Variants in PRTFDC1 observed in about 807,000 individuals in gnomAD.
PRTFDC1 encodes phosphoribosyltransferase domain-containing protein 1.
Under a neutral mutation model 34.6 loss-of-function variants are expected in PRTFDC1, and 38 were observed. That is an observed-to-expected ratio of 1.10 (90% CI 0.85 to 1.44). The LOEUF is 1.44. Ranked by LOEUF, PRTFDC1 falls within the 40% of genes most tolerant of loss-of-function variation. PRTFDC1 has a pLI of 0.00. For synonymous variants in PRTFDC1, 93 were observed against 98.1 expected (o/e 0.95, Z 0.31); for missense variants, 270 against 283.0 (o/e 0.95, Z 0.33).
At position 24,937,928 on chromosome 10, in the gene PRTFDC1, A is replaced by C. The variant is rs150710671; in HGVS notation, c.156-561T>G. On this transcript the variant is annotated intron_variant, in intron 2 of 8. Coordinates refer to ENST00000320152, the MANE Select transcript of PRTFDC1 (RefSeq NM_020200.7). ...CATCAGAATATCTGGCATGCTCCTT[A>C]AAAAGGAACATTTGGGCCAAGAGTG... Among the ~76,000 whole-genome samples, 581 of 152,220 alleles carry C rather than the reference A, an allele frequency of 3.8e-3. 4 individuals are homozygous for C. Among genetic ancestry groups the C allele is most frequent in the African/African-American group, 0.013 (525 of 41,560 alleles).
chr10:24,886,755 G>T (rs1268948927), intron 3 of PRTFDC1, among the ~76,000 whole-genome samples: 1 of 152,060 alleles, frequency 6.6e-6, no homozygotes, highest in African/African-American at 2.4e-5. Flanking sequence ...GGGATTGCAG[G>T]TGCGTGCCAC....
In PRTFDC1 at chr10:24,872,078, A is replaced by G. The variant is rs771657745; in HGVS notation, c.340-15T>C. ...GACTGGTCATTCTGCAAAAAAGAAG[A>G]AAAAAAAGGGAGACAATTTTACCGC... is the stretch of plus-strand genomic sequence containing the variant. On this transcript the variant is annotated splice_polypyrimidine_tract_variant and intron_variant, in intron 3 of 8. Transcript: ENST00000320152. 5.1e-6 allele frequency: 8 copies of G among 1,583,362 alleles called. No individual in the cohort carries two copies. The South Asian group carries it at 8.9e-5, about 18-fold the overall frequency.
intron 3 of PRTFDC1, among the ~76,000 whole-genome samples, chr10:24,914,984 G>C (rs1321992250): frequency 1.3e-5 from 2 of 151,938 alleles, no homozygotes; most frequent in Non-Finnish European, 2.9e-5. Flanking sequence ...CTACCTACTG[G>C]GTACTATGCT....
At chr10:24,934,373 C>A (rs1031856611) in intron 3 of PRTFDC1, among the ~76,000 whole-genome samples, 1 of 152,186 alleles carries the variant, frequency 6.6e-6, no homozygotes, top group African/African-American at 2.4e-5. Flanking sequence ...CAGCCAAGGG[C>A]ATTCCAAAGT....
chr10:24,915,137 A>C (rs1848677207), intron 3 of PRTFDC1, among the ~76,000 whole-genome samples: 1 of 152,148 alleles, frequency 6.6e-6, no homozygotes, highest in Admixed American at 6.6e-5. Flanking sequence ...GGCTAGCCTT[A>C]TTTTATAGAA....
intron 3 of PRTFDC1, among the ~76,000 whole-genome samples, chr10:24,901,009 A>G (rs1848441169): frequency 6.6e-6 from 1 of 152,234 alleles, no homozygotes; most frequent in East Asian, 1.9e-4. Flanking sequence ...GTCAAAGTAC[A>G]AAGCAAGTAC....
At chr10:24,910,749 T>A (rs545150406) in intron 3 of PRTFDC1, among the ~76,000 whole-genome samples, 1 of 152,226 alleles carries the variant, frequency 6.6e-6, no homozygotes, top group East Asian at 1.9e-4. Context: ...CAATTAAAAC[T>A]CAATACAATT....
chr10:24,948,318 C>A, intron 1 of PRTFDC1, among the ~76,000 whole-genome samples: 1 of 152,020 alleles, frequency 6.6e-6, no homozygotes. Context: ...GTCTAATAAC[C>A]CGATCCCCAA....
In PRTFDC1 at chr10:24,926,069, A is replaced by G. The variant is rs536455778; in HGVS notation, c.339+11115T>C. 1.4e-4 allele frequency among the ~76,000 whole-genome samples: 21 copies of G among 152,174 alleles called. No homozygotes were observed. In the South Asian group the frequency reaches 4.1e-3, roughly 30 times the overall value. On this transcript the variant is annotated intron_variant, in intron 3 of 8. Coordinates refer to ENST00000320152, the MANE Select transcript of PRTFDC1 (RefSeq NM_020200.7). ...TTCTTCTCCTGCCAGTCCACCTCCT[A>G]GGGACTGGAGTCCTTTTCCTCTTCC...
chr10:24,943,092 A>G (rs570116556), intron 1 of PRTFDC1, among the ~76,000 whole-genome samples: 94 of 149,784 alleles, frequency 6.3e-4, no homozygotes, highest in African/African-American at 2.1e-3. Flanking sequence ...ATCATAATAA[A>G]CAACATATTT....
chr10:24,882,818 T>TA (rs199763913), intron 3 of PRTFDC1, among the ~76,000 whole-genome samples: 1,774 of 151,318 alleles, frequency 0.012, 17 homozygotes, highest in Non-Finnish European at 0.014. Flanking sequence ...CTCAAAATGT[T>TA]AAAAAAACAA....
At chr10:24,887,532 C>T (rs970706523) in intron 3 of PRTFDC1, among the ~76,000 whole-genome samples, 3 of 152,018 alleles carry the variant, frequency 2.0e-5, no homozygotes, top group African/African-American at 7.2e-5. Flanking sequence ...GTTCGCTTCC[C>T]CTTCTGCCAT....
At chr10:24,903,362 T>C (rs1010152814) in intron 3 of PRTFDC1, among the ~76,000 whole-genome samples, 3 of 152,234 alleles carry the variant, frequency 2.0e-5, no homozygotes, top group African/African-American at 7.2e-5. Flanking sequence ...TTCTATTTGT[T>C]AACTGGTAAT....
chr10:24,948,046 G>A (rs934805186), intron 1 of PRTFDC1, among the ~76,000 whole-genome samples: 3 of 152,168 alleles, frequency 2.0e-5, no homozygotes, highest in Non-Finnish European at 2.9e-5. Flanking sequence ...TTGCCCCACA[G>A]AAGGAAAACT....
At chr10:24,887,310 C>G (rs115762652) in intron 3 of PRTFDC1, among the ~76,000 whole-genome samples, 1,678 of 152,262 alleles carry the variant, frequency 0.011, 32 homozygotes, top group African/African-American at 0.038. Flanking sequence ...TGTCCCCACT[C>G]AAATCTCATC....
rs1050526713 is a variant in PRTFDC1, at chr10:24,858,426, C to T, written c.406-17G>A. ...GAGAACATTCTGAAATAAACAAAAC[C>T]CATATTTTAGAATGTGATGCCAATC... On this transcript the variant is annotated splice_polypyrimidine_tract_variant and intron_variant, in intron 4 of 8. Transcript: ENST00000320152. 2 of 1,612,668 alleles carry T rather than the reference C, an allele frequency of 1.2e-6. No homozygotes were observed. Among genetic ancestry groups the T allele is most frequent in the African/African-American group, 1.3e-5 (1 of 74,872 alleles).
At chr10:24,850,043 A>G (rs1251494592) in intron 8 of PRTFDC1, 152 bp from the exon 9 acceptor site, 5 of 722,120 alleles carry the variant, frequency 6.9e-6, no homozygotes, top group Non-Finnish European at 1.2e-5. Context: ...TAAAATCTAA[A>G]GAGACCCATT....
chr10:24,895,214 C>A (rs1255915801), intron 3 of PRTFDC1, among the ~76,000 whole-genome samples: 2 of 150,316 alleles, frequency 1.3e-5, no homozygotes, highest in African/African-American at 4.9e-5. Flanking sequence ...ATTTTTATAT[C>A]CGAGTAGGAT....
chr10:24,934,091 T>A (rs1186554673), intron 3 of PRTFDC1, among the ~76,000 whole-genome samples: 2 of 152,156 alleles, frequency 1.3e-5, no homozygotes, highest in African/African-American at 4.8e-5. Context: ...AATACCTGCA[T>A]GTGAATATTT....
Sources: allele counts gnomAD v4.1 joint callset (sites outside exome capture counted in the v4.1 genomes callset), GRCh38; gene constraint gnomAD v4.1.1; transcripts MANE v1.5; gene names NCBI Gene and HGNC (gene_info 2026-07-23, HGNC 2026-07-21).